ZNF385D: variants seen among roughly 807,000 people sequenced by gnomAD.
The protein encoded by ZNF385D is zinc finger protein 385D.
A neutral mutation model predicts 35.8 loss-of-function variants in ZNF385D; 15 were observed. The observed-to-expected ratio is 0.42, with a 90% CI of 0.28 to 0.64. The LOEUF (loss-of-function observed/expected upper bound fraction) is 0.64, where lower values mean the gene tolerates loss of function less well. ZNF385D is among the 30% of genes least tolerant of loss of function. The probability of loss-of-function intolerance (pLI) is 0.23; values close to 1 mark genes in which losing one functional copy is unlikely to be tolerated. For synonymous variants in ZNF385D, 212 were observed against 186.8 expected (o/e 1.13, Z -1.10); for missense variants, 474 against 494.6 (o/e 0.96, Z 0.39).
chr3:21,715,384 T>C (rs768250426), intron 1 of ZNF385D, among the ~76,000 whole-genome samples: 1 of 152,136 alleles, frequency 6.6e-6, no homozygotes, highest in African/African-American at 2.4e-5. Context: ...TCACTTGAGA[T>C]AATGACCTCC....
At chr3:21,550,180 T>C (rs1575155665) in intron 3 of ZNF385D, among the ~76,000 whole-genome samples, 1 of 152,222 alleles carries the variant, frequency 6.6e-6, no homozygotes, top group Non-Finnish European at 1.5e-5. Flanking sequence ...AAAAGAATAG[T>C]TGACCCCAAT....
At chr3:21,742,828 C>T (rs1273568900) in intron 1 of ZNF385D, among the ~76,000 whole-genome samples, 1 of 152,184 alleles carries the variant, frequency 6.6e-6, no homozygotes, top group Admixed American at 6.5e-5. Flanking sequence ...AAATTATCTA[C>T]ATTAAATTAT....
chr3:22,368,666 G>T (rs558068308), intron 2 of ZNF385D, among the ~76,000 whole-genome samples: 1 of 152,182 alleles, frequency 6.6e-6, no homozygotes, highest in East Asian at 1.9e-4. Flanking sequence ...CAAAGAAAGG[G>T]TCCTCATCTC....
chr3:21,758,975 CAAAAAAAAAAAAAAAAA>C (rs58450064), intron 3 of ZNF385D, among the ~76,000 whole-genome samples: 7 of 29,228 alleles, frequency 2.4e-4, no homozygotes, highest in Admixed American at 1.3e-3. Context: ...TCATCACTGG[CAAAAAAAAAAAAAAAAA>C]AAAAAAAAAA....
intron 3 of ZNF385D, among the ~76,000 whole-genome samples, chr3:21,956,800 A>G (rs1231368320): frequency 6.6e-6 from 1 of 151,718 alleles, no homozygotes; most frequent in Admixed American, 6.6e-5. Context: ...GACCTTCAAC[A>G]AAAGCATTCC....
Position 22,247,850 on chromosome 3 carries a change from G to C in ZNF385D, c.107-78815C>G, listed in dbSNP as rs143887796. Among the ~76,000 whole-genome samples the C allele has an allele frequency of 6.0e-3, 914 of 152,048 alleles. 6 individuals are homozygous for C. The highest frequency in any genetic ancestry group is 0.021 in the African/African-American group (865 of 41,470). On this transcript the variant is annotated intron_variant, in intron 2 of 5. Coordinates refer to the ZNF385D transcript ENST00000494108. The stretch of plus-strand genomic sequence containing the variant: ...CATCTCCTGAGCTTATGATCCACCT[G>C]CCTCGGCCTCCCAAAGTCCTGGGAT...
At chr3:21,747,796 T>C (rs2069850639) in intron 1 of ZNF385D, among the ~76,000 whole-genome samples, 1 of 152,220 alleles carries the variant, frequency 6.6e-6, no homozygotes, top group African/African-American at 2.4e-5. Flanking sequence ...ACAGCCTCTC[T>C]TCCTTAATCT....
At chr3:22,329,958 T>G (rs1694859096) in intron 2 of ZNF385D, among the ~76,000 whole-genome samples, 1 of 152,184 alleles carries the variant, frequency 6.6e-6, no homozygotes, top group African/African-American at 2.4e-5. Context: ...TCACTCATGA[T>G]TAGTAGCTGT....
chr3:22,323,214 G>A (rs961376731), intron 2 of ZNF385D, among the ~76,000 whole-genome samples: 4 of 151,854 alleles, frequency 2.6e-5, no homozygotes, highest in Non-Finnish European at 5.9e-5. Context: ...CCACACTCAG[G>A]GCCACAAGTT....
chr3:22,065,518 G>C (rs1699896533), intron 3 of ZNF385D, among the ~76,000 whole-genome samples: 1 of 152,146 alleles, frequency 6.6e-6, no homozygotes, highest in South Asian at 2.1e-4. Context: ...GAGTTGCCAG[G>C]TGAGTGTACA....
At chr3:21,819,725 T>G (rs988617118) in intron 3 of ZNF385D, among the ~76,000 whole-genome samples, 2 of 145,598 alleles carry the variant, frequency 1.4e-5, no homozygotes, top group Admixed American at 6.9e-5. Flanking sequence ...TATATACACA[T>G]GTACGTGTGT....
chr3:22,185,984 G>C (rs1695604734), intron 2 of ZNF385D, among the ~76,000 whole-genome samples: 2 of 150,706 alleles, frequency 1.3e-5, no homozygotes, highest in South Asian at 4.2e-4. Context: ...ACTCATGTTG[G>C]CTTGTTTTAG....
At chr3:21,727,484 A>C (rs1279854357) in intron 1 of ZNF385D, among the ~76,000 whole-genome samples, 3 of 152,212 alleles carry the variant, frequency 2.0e-5, no homozygotes, top group Non-Finnish European at 2.9e-5. Context: ...CAAGAAAAAA[A>C]CAACCCCATC....
At chr3:21,840,763 T>A (rs1695614928) in intron 3 of ZNF385D, among the ~76,000 whole-genome samples, 1 of 152,050 alleles carries the variant, frequency 6.6e-6, no homozygotes. Flanking sequence ...GACCGCACTT[T>A]TTTTCATTCA....
At chr3:21,845,627 G>T (rs979630295) in intron 3 of ZNF385D, among the ~76,000 whole-genome samples, 7 of 151,932 alleles carry the variant, frequency 4.6e-5, no homozygotes, top group Non-Finnish European at 8.8e-5. Flanking sequence ...TTACAGTCCT[G>T]TAAGTTCTTT....
intron 1 of ZNF385D, among the ~76,000 whole-genome samples, chr3:21,705,638 G>A (rs1449013931): frequency 6.6e-6 from 1 of 152,176 alleles, no homozygotes; most frequent in African/African-American, 2.4e-5. Flanking sequence ...TACACCTGGG[G>A]AAATTAAAAC....
intron 2 of ZNF385D, among the ~76,000 whole-genome samples, chr3:22,346,868 G>C (rs1408626222): frequency 2.0e-5 from 3 of 152,128 alleles, no homozygotes; most frequent in Admixed American, 2.0e-4. Flanking sequence ...TTTTTATCCA[G>C]AGTGCGACAC....
intron 2 of ZNF385D, among the ~76,000 whole-genome samples, chr3:21,633,749 T>C (rs1350816106): frequency 6.6e-5 from 10 of 152,238 alleles, no homozygotes; most frequent in Middle Eastern, 6.8e-3. Context: ...AAAAGTATAA[T>C]AAAGAATAAA....
chr3:21,836,937 G>A (rs1301303780), intron 3 of ZNF385D, among the ~76,000 whole-genome samples: 1 of 151,952 alleles, frequency 6.6e-6, no homozygotes, highest in African/African-American at 2.4e-5. Context: ...TCCTTGAGCT[G>A]ATCCTGTCAC....
Sources: gnomAD v4.1 joint callset for allele counts (sites outside exome capture counted in the v4.1 genomes callset) on GRCh38, gnomAD v4.1.1 for gene constraint, MANE v1.5 for transcripts, NCBI Gene and HGNC (gene_info 2026-07-23, HGNC 2026-07-21) for gene names.